ZNF512: variants seen among roughly 807,000 people sequenced by gnomAD.
ZNF512 encodes zinc finger protein 512.
ZNF512 carries 25 observed loss-of-function variants against 77.5 expected under a neutral mutation model. That is an observed-to-expected ratio of 0.32 (90% CI 0.23 to 0.45). ZNF512 has a LOEUF of 0.45. ZNF512 is among the 20% of genes least tolerant of loss of function. ZNF512 has a pLI of 1.00. For synonymous variants in ZNF512, 246 were observed against 239.9 expected (o/e 1.03, Z -0.24); for missense variants, 483 against 692.6 (o/e 0.70, Z 3.40).
At chr2:27,603,591 T>TATATA (rs772409987) in intron 9 of ZNF512, among the ~76,000 whole-genome samples, 27,304 of 86,884 alleles carry the variant, frequency 0.31, 2,809 homozygotes, top group East Asian at 0.57. Context: ...TGTGTGTATA[T>TATATA]TTTTTTTTTT....
intron 2 of ZNF512, among the ~76,000 whole-genome samples, chr2:27,584,107 TA>T (rs1222050377): frequency 6.6e-6 from 1 of 152,220 alleles, no homozygotes; most frequent in Non-Finnish European, 1.5e-5. Flanking sequence ...TAACGTTAAA[TA>T]GCCACCTGTA....
chr2:27,593,945 C>T, intron 2 of ZNF512, among the ~76,000 whole-genome samples: 1 of 152,202 alleles, frequency 6.6e-6, no homozygotes, highest in Non-Finnish European at 1.5e-5. Context: ...TACACAGACA[C>T]AGTAACAATC....
intron 6 of ZNF512, 119 bp downstream of exon 6, chr2:27,600,934 A>T: frequency 7.7e-7 from 1 of 1,299,916 alleles, no homozygotes; most frequent in Non-Finnish European, 1.0e-6. Context: ...TAATAAAGGA[A>T]ACATAGGCTT....
Position 27,603,245 on chromosome 2 carries a change from TG to T in ZNF512, c.875del (p.Cys292LeufsTer15). On this transcript the variant is annotated frameshift_variant, in exon 9 of 14. Transcript: ENST00000355467. LOFTEE classifies it high-confidence loss of function. ...AAAGATGACCCTGAAATGTCACCAC[TG>T]TGGAAAACCATATAGGTCGAAGGCT... ...LEKMTLKCHH[C>X]GKPYRSKAGL... 1 of 1,614,188 alleles carries T rather than the reference TG, an allele frequency of 6.2e-7. No individual in the cohort carries two copies. Among genetic ancestry groups the T allele is most frequent in the Non-Finnish European group, 8.5e-7 (1 of 1,180,022 alleles).
In ZNF512 at chr2:27,616,244, ATTTC is replaced by A. The variant is rs770583824; in HGVS notation, c.1234-15_1234-12del. Reference sequence around the variant, plus strand: ...AGCTATTTGGCATAGTCTTCATACTATTTCTTCTCTTTTGCAGGGCTGTGAGGCT... The same window carrying A: ...AGCTATTTGGCATAGTCTTCATACTATTCTCTTTTGCAGGGCTGTGAGGCT... On this transcript the variant is annotated splice_polypyrimidine_tract_variant and intron_variant, in intron 11 of 13. Coordinates refer to ENST00000355467, the MANE Select transcript of ZNF512 (RefSeq NM_032434.4). 1 of 1,608,422 alleles carries A rather than the reference ATTTC, an allele frequency of 6.2e-7. No individual in the cohort carries two copies. The highest frequency in any genetic ancestry group is 8.5e-7 in the Non-Finnish European group (1 of 1,175,072).
chr2:27,610,544 G>GTGTGTATATATATATATATATATATATA (rs1413007886), intron 10 of ZNF512, among the ~76,000 whole-genome samples: 3 of 32,662 alleles, frequency 9.2e-5, no homozygotes, highest in South Asian at 1.7e-3. Flanking sequence ...ATATGTGTGT[G>GTGTGTATATATATATATATATATATATA]TATATATATA....
intron 8 of ZNF512, 48 bp downstream of exon 8, chr2:27,602,609 A>G (rs369823921): frequency 8.5e-6 from 13 of 1,523,864 alleles, no homozygotes; most frequent in African/African-American, 1.4e-5. Flanking sequence ...TCTCAGGTCA[A>G]TGTCTTTCGT....
intron 13 of ZNF512, among the ~76,000 whole-genome samples, chr2:27,618,196 A>C (rs1403919762): frequency 6.6e-6 from 1 of 152,188 alleles, no homozygotes; most frequent in East Asian, 1.9e-4. Context: ...CTAGGATTAC[A>C]GGTGTGAGCC....
At chr2:27,609,730 G>A (rs1020402209) in intron 10 of ZNF512, among the ~76,000 whole-genome samples, 3 of 152,086 alleles carry the variant, frequency 2.0e-5, no homozygotes, top group African/African-American at 7.2e-5. Context: ...TTAGCTGGAC[G>A]TGGAGGCGAG....
At chr2:27,593,389 C>T (rs1671690239) in intron 2 of ZNF512, among the ~76,000 whole-genome samples, 1 of 129,912 alleles carries the variant, frequency 7.7e-6, no homozygotes, top group Admixed American at 7.5e-5. Flanking sequence ...GAGACCTTGT[C>T]TCAAAAAAAA....
In ZNF512 at chr2:27,601,342, A is replaced by G; in HGVS notation, c.583-14A>G. On this transcript the variant is annotated splice_polypyrimidine_tract_variant and intron_variant, in intron 6 of 13. Coordinates refer to ENST00000355467, the MANE Select transcript of ZNF512 (RefSeq NM_032434.4). ...GTGGAACAACCTAGCACTGAGCAGT[A>G]TTTTTCCTTCTAGGAAATGTTTACT... The G allele has an allele frequency of 6.2e-7, 1 of 1,609,310 alleles. No homozygotes were observed. The highest frequency in any genetic ancestry group is 8.5e-7 in the Non-Finnish European group (1 of 1,175,930).
At chr2:27,599,939 T>C (rs1435837125) in intron 4 of ZNF512, 31 bp from the exon 5 acceptor site, 2 of 1,613,172 alleles carry the variant, frequency 1.2e-6, no homozygotes, top group African/African-American at 2.7e-5. Flanking sequence ...AAGGGTGACA[T>C]GCTGGGCTTC....
rs775859561 is a variant in ZNF512, at chr2:27,607,825, G to C, written c.937-20G>C. On this transcript the variant is annotated intron_variant, in intron 9 of 13. Coordinates refer to ENST00000355467, the MANE Select transcript of ZNF512 (RefSeq NM_032434.4). ...ATGCCACTTATCAGGCCTGTGTTTT[G>C]CTGTGTCTCATTCTTGCAGATATCC... is the stretch of plus-strand genomic sequence containing the variant. 28 of 1,613,224 alleles carry C rather than the reference G, an allele frequency of 1.7e-5. No homozygotes were observed. The highest frequency in any genetic ancestry group is 2.4e-5 in the Non-Finnish European group (28 of 1,179,544).
In ZNF512 at chr2:27,598,283, ACGGGC is replaced by A. The variant is rs200849197; in HGVS notation, c.277+31_277+35del. 3,232 of 1,588,800 alleles carry A rather than the reference ACGGGC, an allele frequency of 2.0e-3. 50 individuals carry two copies. In the African/African-American group the frequency reaches 0.038, roughly 19 times the overall value. The stretch of plus-strand genomic sequence containing the variant: ...TCAATATCAGTGTCTTATTCTGAAG[ACGGGC>A]CACTTCCTAAAGTTATAGTTTGAGA... On this transcript the variant is annotated intron_variant, in intron 3 of 13. Coordinates refer to ENST00000355467, the MANE Select transcript of ZNF512 (RefSeq NM_032434.4).
At chr2:27,600,079 G>C in intron 5 of ZNF512, 26 bp downstream of exon 5, 1 of 1,608,738 alleles carries the variant, frequency 6.2e-7, no homozygotes, top group Middle Eastern at 1.7e-4. Flanking sequence ...GAAGTTTTGA[G>C]GGATGTAGTT....
At chr2:27,615,432 A>C (rs1331752431) in intron 11 of ZNF512, among the ~76,000 whole-genome samples, 163 bp downstream of exon 11, 2 of 152,252 alleles carry the variant, frequency 1.3e-5, no homozygotes, top group Non-Finnish European at 2.9e-5. Flanking sequence ...AAGGCTCAGC[A>C]GGGCAGTTCT....
At chr2:27,592,378 T>C (rs1671627716) in intron 2 of ZNF512, among the ~76,000 whole-genome samples, 1 of 151,776 alleles carries the variant, frequency 6.6e-6, no homozygotes, top group Non-Finnish European at 1.5e-5. Context: ...TGCAGTGGCA[T>C]GATCTCGGCT....
intron 10 of ZNF512, among the ~76,000 whole-genome samples, chr2:27,610,102 C>T (rs918931662): frequency 1.3e-5 from 2 of 151,526 alleles, no homozygotes; most frequent in Non-Finnish European, 2.9e-5. Flanking sequence ...TGGTGGCTCA[C>T]GCCTGTAATC....
Position 27,600,746 on chromosome 2 carries a change from C to T in ZNF512, c.513C>T (p.Cys171=). 6 of 1,613,996 alleles carry T rather than the reference C, an allele frequency of 3.7e-6. No individual in the cohort carries two copies. The highest frequency in any genetic ancestry group is 5.1e-6 in the Non-Finnish European group (6 of 1,179,924). Residue 171 remains cysteine, a synonymous_variant, in exon 6 of 14, where the codon TGC becomes TGT. Coordinates refer to ENST00000355467, the MANE Select transcript of ZNF512 (RefSeq NM_032434.4). ...LEIVDKGSVS[C]PTCQAVGRKT... ...TCGTTGATAAAGGCAGTGTCTCCTG[C>T]CCTACCTGCCAGGCAGTGGGGAGGA...
Sources: allele counts gnomAD v4.1 joint callset (sites outside exome capture counted in the v4.1 genomes callset), GRCh38; gene constraint gnomAD v4.1.1; transcripts MANE v1.5; gene names NCBI Gene and HGNC (gene_info 2026-07-23, HGNC 2026-07-21).